The following PRKAR1B variants were observed in gnomAD, a reference collection of about 807,000 sequenced individuals.
The protein encoded by PRKAR1B is protein kinase cAMP-dependent type I regulatory subunit beta.
PRKAR1B carries 22 observed loss-of-function variants against 46.5 expected under a neutral mutation model. The observed-to-expected ratio is 0.47, with a 90% CI of 0.34 to 0.68. PRKAR1B has a LOEUF of 0.68. Ranked by LOEUF, PRKAR1B falls within the 30% of genes least tolerant of loss-of-function variation. The pLI is 0.01. For missense variants in PRKAR1B, 445 were observed against 535.6 expected, an observed-to-expected ratio of 0.83 and a Z score of 1.67; for synonymous variants, 259 against 217.7, an observed-to-expected ratio of 1.19 and a Z score of -1.67.
At chr7:592,960 G>A (rs948780616) in intron 7 of PRKAR1B, among the ~76,000 whole-genome samples, 4 of 152,196 alleles carry the variant, frequency 2.6e-5, no homozygotes, top group East Asian at 1.9e-4. Context: ...GGCTTGAGCC[G>A]GGGAGGCGGA....
chr7:720,057 T>C (rs1781019222), intron 1 of PRKAR1B, among the ~76,000 whole-genome samples: 1 of 148,362 alleles, frequency 6.7e-6, no homozygotes, highest in Non-Finnish European at 1.5e-5. Flanking sequence ...AGTCTTTTTT[T>C]TTTTTTTTTT....
At chr7:660,669 C>A (rs142831878) in intron 4 of PRKAR1B, among the ~76,000 whole-genome samples, 8,839 of 122,046 alleles carry the variant, frequency 0.072, 489 homozygotes, top group South Asian at 0.16. Flanking sequence ...TACTCTCCCC[C>A]CCATGCCACA....
chr7:662,016 C>T (rs1292855168), intron 4 of PRKAR1B, among the ~76,000 whole-genome samples: 1 of 70,796 alleles, frequency 1.4e-5, no homozygotes, highest in Non-Finnish European at 2.9e-5. Context: ...CAGGTCCCCA[C>T]CCCAACGGAT....
chr7:715,861 G>T (rs992822734), intron 1 of PRKAR1B, among the ~76,000 whole-genome samples: 3 of 151,664 alleles, frequency 2.0e-5, no homozygotes, highest in African/African-American at 7.3e-5. Flanking sequence ...GACTACAGGC[G>T]CCCGCCACCG....
At chr7:637,167 G>C (rs911869595) in intron 4 of PRKAR1B, among the ~76,000 whole-genome samples, 1 of 152,112 alleles carries the variant, frequency 6.6e-6, no homozygotes, top group Non-Finnish European at 1.5e-5. Flanking sequence ...CACACCTGTA[G>C]TCCCGGCTCC....
chr7:586,151 A>C (rs530384373), intron 7 of PRKAR1B, among the ~76,000 whole-genome samples: 1 of 152,142 alleles, frequency 6.6e-6, no homozygotes, highest in Non-Finnish European at 1.5e-5. Context: ...CCATGGAACA[A>C]CACACCCACC....
At chr7:659,469 A>G (rs1181054982) in intron 4 of PRKAR1B, among the ~76,000 whole-genome samples, 52 of 152,150 alleles carry the variant, frequency 3.4e-4, no homozygotes, top group Non-Finnish European at 1.5e-5. Flanking sequence ...GGGCACCCAC[A>G]TGGTGGCCGC....
intron 9 of PRKAR1B, among the ~76,000 whole-genome samples, chr7:551,779 G>T (rs1291551295): frequency 9.5e-6 from 1 of 105,758 alleles, no homozygotes; most frequent in African/African-American, 3.7e-5. Flanking sequence ...TCCTTCCCTC[G>T]GAGCCACTGC....
In PRKAR1B at chr7:699,033, G is replaced by A. The variant is rs1031657669; in HGVS notation, c.177+12296C>T. Among the ~76,000 whole-genome samples, 23 of 152,314 alleles carry A rather than the reference G, an allele frequency of 1.5e-4. 1 individual carries two copies. The highest frequency in any genetic ancestry group is 5.3e-4 in the African/African-American group (22 of 41,578). ...GCGGAGAAGCCTGAGTTCCTAGGAC[G>A]GAGGATGAGAAAGAAGCAGAAGGGG... On this transcript the variant is annotated intron_variant, in intron 2 of 10. Coordinates refer to ENST00000537384, the MANE Select transcript of PRKAR1B (RefSeq NM_001164760.2).
chr7:703,432 G>C (rs566251863), intron 2 of PRKAR1B, among the ~76,000 whole-genome samples: 1 of 152,080 alleles, frequency 6.6e-6, no homozygotes, highest in African/African-American at 2.4e-5. Flanking sequence ...GGATCACGAG[G>C]TCAAGAGATC....
At chr7:707,041 C>T (rs1298418119) in intron 2 of PRKAR1B, among the ~76,000 whole-genome samples, 2 of 152,256 alleles carry the variant, frequency 1.3e-5, no homozygotes, top group East Asian at 3.9e-4. Context: ...CTATTGTAAA[C>T]ATTCCACAGC....
intron 9 of PRKAR1B, among the ~76,000 whole-genome samples, chr7:571,909 C>A (rs1377573597): frequency 6.6e-6 from 1 of 152,252 alleles, no homozygotes; most frequent in Non-Finnish European, 1.5e-5. Context: ...CACACTGCCG[C>A]CTCTCCGCTA....
rs1359321966 is a variant in PRKAR1B, at chr7:644,537, C to T, written c.440+32692G>A. ...CTCCGAGGGCCCACCCTCCACTCCC[C>T]GCTGCCAGGGAGCCCTCCCAGCACT... is the stretch of plus-strand genomic sequence containing the variant. On this transcript the variant is annotated intron_variant, in intron 4 of 10. Coordinates refer to ENST00000537384, the MANE Select transcript of PRKAR1B (RefSeq NM_001164760.2). The surrounding 1 kb of genome is among the most constrained non-coding windows in gnomAD (Gnocchi z 4.9). Among the ~76,000 whole-genome samples, 4 of 152,188 alleles carry T rather than the reference C, an allele frequency of 2.6e-5. No individual in the cohort carries two copies. The highest frequency in any genetic ancestry group is 6.5e-5 in the Admixed American group (1 of 15,284).
At chr7:564,513 C>T (rs1302981139) in intron 9 of PRKAR1B, among the ~76,000 whole-genome samples, 12 of 152,218 alleles carry the variant, frequency 7.9e-5, no homozygotes, top group Admixed American at 3.3e-4. Flanking sequence ...ACGTCCTCTC[C>T]ACGTGGGCAG....
In PRKAR1B at chr7:648,481, C is replaced by T. The variant is rs554689068; in HGVS notation, c.440+28748G>A. On this transcript the variant is annotated intron_variant, in intron 4 of 10. Transcript: ENST00000537384. Reference sequence around the variant, plus strand: ...CAAAAATTAGCTGGGCATGGTGGTGCGTGCCCGTAATCCCAGCTAGTCAGG... The same window carrying T: ...CAAAAATTAGCTGGGCATGGTGGTGTGTGCCCGTAATCCCAGCTAGTCAGG... 2.2e-4 allele frequency among the ~76,000 whole-genome samples: 34 copies of T among 152,154 alleles called. No homozygotes were observed. The East Asian group carries it at 6.6e-3, about 30-fold the overall frequency.
chr7:610,082 C>T (rs1172056200), intron 4 of PRKAR1B, among the ~76,000 whole-genome samples: 1 of 152,190 alleles, frequency 6.6e-6, no homozygotes, highest in Admixed American at 6.5e-5. Context: ...GCTCCTTCAC[C>T]TGTTCCTGCC....
intron 2 of PRKAR1B, among the ~76,000 whole-genome samples, chr7:688,262 G>C (rs1259987194): frequency 6.6e-6 from 1 of 151,974 alleles, no homozygotes; most frequent in Non-Finnish European, 1.5e-5. Flanking sequence ...AAAAGTAGCT[G>C]GGCGTGGTGG....
intron 2 of PRKAR1B, among the ~76,000 whole-genome samples, chr7:705,223 A>C (rs1780259260): frequency 6.6e-6 from 1 of 151,460 alleles, no homozygotes; most frequent in African/African-American, 2.4e-5. Context: ...AAATCACCTG[A>C]ACGCGGGGAG....
At chr7:649,329 C>G (rs981276448) in intron 4 of PRKAR1B, among the ~76,000 whole-genome samples, 1 of 152,160 alleles carries the variant, frequency 6.6e-6, no homozygotes, top group East Asian at 1.9e-4. Flanking sequence ...ATCTCCCTAT[C>G]ATGCTTCCTT....
Sources: gnomAD v4.1 joint callset for allele counts (sites outside exome capture counted in the v4.1 genomes callset) on GRCh38, gnomAD v4.1.1 for gene constraint, Gnocchi (gnomAD v3.1) non-coding constraint, MANE v1.5 for transcripts, NCBI Gene and HGNC (gene_info 2026-07-23, HGNC 2026-07-21) for gene names.